The following RPS6KC1 variants were observed in gnomAD, a reference collection of about 807,000 sequenced individuals.
The protein encoded by RPS6KC1 is inactive ribosomal protein S6 kinase delta-1.
In RPS6KC1, 54 loss-of-function variants were observed where a neutral mutation model predicts 103.8. The ratio of observed to expected loss-of-function variants is 0.52; its 90% CI spans 0.42 to 0.65. The LOEUF (loss-of-function observed/expected upper bound fraction) is 0.65. Among genes scored for constraint, RPS6KC1 ranks in the 30% least tolerant of loss-of-function variants. The probability of loss-of-function intolerance (pLI) is 0.00; values close to 1 mark genes in which losing one functional copy is unlikely to be tolerated. For missense variants in RPS6KC1, 1,151 were observed against 1,253.8 expected (o/e 0.92, Z 1.24); for synonymous variants, 439 against 438.7 (o/e 1.00, Z -0.01).
the RPS6KC1 span, among the ~76,000 whole-genome samples, chr1:213,749,423 G>A: frequency 6.6e-6 from 1 of 152,152 alleles, no homozygotes; most frequent in African/African-American, 2.4e-5. Context: ...GTAATTGAGG[G>A]AACAGGAACT....
the RPS6KC1 span, among the ~76,000 whole-genome samples, chr1:213,571,107 G>A: frequency 6.6e-6 from 1 of 152,134 alleles, no homozygotes. Flanking sequence ...ACTTGCTTTT[G>A]CCTGTACAGA....
At chr1:213,078,930 CTG>C (rs1189342238) in intron 3 of RPS6KC1, among the ~76,000 whole-genome samples, 1 of 152,066 alleles carries the variant, frequency 6.6e-6, no homozygotes, top group Non-Finnish European at 1.5e-5. Flanking sequence ...ATTCTAGACT[CTG>C]TATCAGTGTG....
chr1:213,373,674 G>C, the RPS6KC1 span, among the ~76,000 whole-genome samples: 1 of 152,192 alleles, frequency 6.6e-6, no homozygotes. Flanking sequence ...TATCCATACA[G>C]AATATCCTAT....
At chr1:213,176,673 G>A (rs2091893445) in intron 8 of RPS6KC1, 181 bp downstream of exon 8, 1 of 416,160 alleles carries the variant, frequency 2.4e-6, no homozygotes, top group Non-Finnish European at 4.4e-6. Context: ...TTCATGTAAG[G>A]TCATGCAAAA....
At chr1:213,360,807 GT>G in the RPS6KC1 span, among the ~76,000 whole-genome samples, 1 of 152,204 alleles carries the variant, frequency 6.6e-6, no homozygotes, top group Non-Finnish European at 1.5e-5. Flanking sequence ...ATCTGTTGGA[GT>G]TTGCTGGAGG....
the RPS6KC1 span, among the ~76,000 whole-genome samples, chr1:213,306,177 A>G: frequency 2.6e-5 from 4 of 152,202 alleles, no homozygotes; most frequent in African/African-American, 9.6e-5. Context: ...ACAGAAAGTT[A>G]AGCATTCTCT....
chr1:213,688,408 C>G, the RPS6KC1 span, among the ~76,000 whole-genome samples: 1 of 152,162 alleles, frequency 6.6e-6, no homozygotes, highest in Admixed American at 6.5e-5. Context: ...TGAACTATCT[C>G]TGATTCTCTG....
intron 1 of RPS6KC1, among the ~76,000 whole-genome samples, chr1:213,057,002 C>G (rs1048400850): frequency 6.6e-6 from 1 of 151,984 alleles, no homozygotes; most frequent in Non-Finnish European, 1.5e-5. Flanking sequence ...TGTAGTGGAA[C>G]GATCACGGCT....
At chr1:213,197,783 T>C (rs913884209) in intron 8 of RPS6KC1, among the ~76,000 whole-genome samples, 17 of 152,182 alleles carry the variant, frequency 1.1e-4, no homozygotes, top group Admixed American at 9.8e-4. Context: ...CTGCTTACTT[T>C]CGGCTTTCAT....
intron 8 of RPS6KC1, among the ~76,000 whole-genome samples, chr1:213,208,071 G>T (rs189970205): frequency 1.3e-5 from 2 of 152,200 alleles, no homozygotes; most frequent in East Asian, 3.9e-4. Context: ...AATTTTCTTT[G>T]CTCTTGTATG....
At chr1:213,460,673 T>G in the RPS6KC1 span, among the ~76,000 whole-genome samples, 2 of 152,190 alleles carry the variant, frequency 1.3e-5, no homozygotes, top group African/African-American at 4.8e-5. Flanking sequence ...ATGCAGTTTC[T>G]TCATAGTGTC....
In RPS6KC1 at chr1:213,077,792, C is replaced by G. The variant is rs746640177; in HGVS notation, c.238C>G (p.Pro80Ala). The G allele has an allele frequency of 1.9e-6, 3 of 1,559,644 alleles. No individual in the cohort carries two copies. The African/African-American group carries it at 4.1e-5, about 21-fold the overall frequency. Residue 80 changes from proline (P) to alanine (A), a missense_variant, in exon 3 of 15, where the codon CCA (proline) becomes GCA (alanine). This residue lies in a region of RPS6KC1 where 959 missense variants were observed against 1,006.3 expected (regional missense o/e 0.95). Coordinates refer to ENST00000366960, the MANE Select transcript of RPS6KC1 (RefSeq NM_012424.6). ...ATTCCGACATTCAGAGTTGTTTCCT[C>G]CATTTGCTAAAGGAATAGTGTTTGG... ...NLFRHSELFP[P>A]FAKGIVFGRF...
At chr1:213,839,286 C>T in the RPS6KC1 span, among the ~76,000 whole-genome samples, 3 of 152,182 alleles carry the variant, frequency 2.0e-5, no homozygotes, top group African/African-American at 7.2e-5. Context: ...GTTTCCCTGT[C>T]AAAACTTTAA....
the RPS6KC1 span, among the ~76,000 whole-genome samples, chr1:213,570,563 C>G: frequency 0.45 from 68,118 of 151,620 alleles, 16,488 homozygotes; most frequent in African/African-American, 0.66. Context: ...ATGCCCCCTA[C>G]GAAACACTTC....
chr1:213,331,242 C>T, the RPS6KC1 span, among the ~76,000 whole-genome samples: 4 of 152,144 alleles, frequency 2.6e-5, no homozygotes, highest in Non-Finnish European at 5.9e-5. Context: ...TCTAGGTCTC[C>T]ATCCAAGTCT....
chr1:213,665,936 A>G, the RPS6KC1 span, among the ~76,000 whole-genome samples: 4 of 152,230 alleles, frequency 2.6e-5, no homozygotes, highest in African/African-American at 9.6e-5. Flanking sequence ...TTAAAAAACT[A>G]CACTGTAAAC....
the RPS6KC1 span, among the ~76,000 whole-genome samples, chr1:213,574,451 G>T: frequency 6.6e-6 from 1 of 152,188 alleles, no homozygotes; most frequent in Non-Finnish European, 1.5e-5. Flanking sequence ...TCATTGATGG[G>T]CTAGAACTTC....
Position 213,261,632 on chromosome 1 carries a change from A to G in RPS6KC1, c.2986A>G (p.Thr996Ala), listed in dbSNP as rs1330391509. Reference protein sequence around the residue: ...SLGAVLFELLTGKTLVECHPA... With the variant: ...SLGAVLFELLAGKTLVECHPA... ...GGGTGCTGTCCTCTTTGAACTTCTC[A>G]CTGGCAAGGTAAGCAGTGGCCTGGA... is the stretch of plus-strand genomic sequence containing the variant. Residue 996 changes from threonine to alanine, a missense_variant, in exon 13 of 15, where the codon ACT becomes GCT. By Grantham distance (58) the Thr-to-Ala change is moderately conservative (BLOSUM62 0). Coordinates refer to ENST00000366960, the MANE Select transcript of RPS6KC1 (RefSeq NM_012424.6). 2 of 1,613,574 alleles carry G rather than the reference A, an allele frequency of 1.2e-6. No individual in the cohort carries two copies. The highest frequency in any genetic ancestry group is 8.5e-7 in the Non-Finnish European group (1 of 1,179,556).
At chr1:213,777,331 T>C in the RPS6KC1 span, among the ~76,000 whole-genome samples, 1 of 152,186 alleles carries the variant, frequency 6.6e-6, no homozygotes, top group African/African-American at 2.4e-5. Flanking sequence ...ACTTGAACAC[T>C]TAGAAGCCAC....
Sources: gnomAD v4.1 joint callset for allele counts (sites outside exome capture counted in the v4.1 genomes callset) on GRCh38, gnomAD v4.1.1 for gene constraint, gnomAD v4.1.1 regional missense constraint, MANE v1.5 for transcripts, NCBI Gene and HGNC (gene_info 2026-07-23, HGNC 2026-07-21) for gene names.